The following C12orf57 variants were observed in gnomAD, a reference collection of about 807,000 sequenced individuals.
C12orf57 encodes the protein chromosome 12 open reading frame 57.
Under a neutral mutation model 11.3 loss-of-function variants are expected in C12orf57, and 14 were observed. The ratio of observed to expected loss-of-function variants is 1.24; its 90% CI spans 0.82 to 1.94. The LOEUF is 1.94. Among genes scored for constraint, C12orf57 ranks in the 30% most tolerant of loss-of-function variants. The pLI, the probability that C12orf57 is intolerant of heterozygous loss-of-function variation, is 0.00. For synonymous variants in C12orf57, 100 were observed against 74.6 expected (o/e 1.34, Z -1.76); for missense variants, 229 against 172.4 (o/e 1.33, Z -1.84).
chr12:6,943,953 C>A (rs371672962), upstream of C12orf57: 17 of 1,484,792 alleles, frequency 1.1e-5, no homozygotes, highest in East Asian at 2.3e-5. Context: ...GGTCTTGATG[C>A]AGTTGTAAGC....
chr12:6,944,530 T>A lies in C12orf57; in HGVS notation c.107T>A (p.Met36Lys). ...AFSAPENAVR[M>K]DEARDNACND... is the part of the protein sequence containing the mutation. ...TCCGCCCCGGAGAATGCAGTGCGCA[T>A]GGACGAGGCTCGGGATAACGCCTGC... Residue 36 changes from methionine to lysine, a missense_variant, in exon 2 of 3, where the codon ATG (methionine) becomes AAG (lysine). Transcript: ENST00000229281. 6.2e-7 allele frequency: 1 copy of A among 1,613,994 alleles called. No individual in the cohort carries two copies. Among genetic ancestry groups the A allele is most frequent in the Non-Finnish European group, 8.5e-7 (1 of 1,180,034 alleles).
chr12:6,945,547 C>T (rs753766482), intron 2 of C12orf57, among the ~76,000 whole-genome samples: 1 of 152,180 alleles, frequency 6.6e-6, no homozygotes, highest in African/African-American at 2.4e-5. Context: ...AAGAAGCACA[C>T]TGCCTTGGGA....
chr12:6,944,196 C>T (rs1238370416), intron 1 of C12orf57, 23 bp downstream of exon 1: 3 of 1,565,840 alleles, frequency 1.9e-6, no homozygotes, highest in East Asian at 2.3e-5. Flanking sequence ...CTAGTCAAGG[C>T]ATAGGCTGCT....
chr12:6,944,188 A>G lies in C12orf57; in HGVS notation c.52+15A>G. On this transcript the variant is annotated intron_variant, in intron 1 of 2. Transcript: ENST00000229281. ...GCAAGCAAAGGGTGAGAATCGTCCT[A>G]GTCAAGGCATAGGCTGCTGGCCTGG... is the stretch of plus-strand genomic sequence containing the variant. The G allele has an allele frequency of 6.4e-7, 1 of 1,565,968 alleles. No homozygotes were observed. Among genetic ancestry groups the G allele is most frequent in the South Asian group, 1.1e-5 (1 of 88,282 alleles).
At position 6,944,556 on chromosome 12, in the gene C12orf57, A is replaced by C. The variant is rs1945745169; in HGVS notation, c.133A>C (p.Asn45His). 1 of 1,614,018 alleles carries C rather than the reference A, an allele frequency of 6.2e-7. No individual in the cohort carries two copies. Among genetic ancestry groups the C allele is most frequent in the African/African-American group, 1.3e-5 (1 of 74,928 alleles). Residue 45 changes from asparagine (N) to histidine (H), a missense_variant, in exon 2 of 3, where the codon AAC (asparagine) becomes CAC (histidine). By Grantham distance (68) the Asn-to-His change is moderately conservative. Coordinates refer to ENST00000229281, the MANE Select transcript of C12orf57 (RefSeq NM_138425.4). ...RMDEARDNAC[N>H]DMGKMLQFVL... ...GGACGAGGCTCGGGATAACGCCTGCAACGACATGGGTAAGATGCTGCAATT... is the reference window on the plus strand; with the variant it reads ...GGACGAGGCTCGGGATAACGCCTGCCACGACATGGGTAAGATGCTGCAATT...
In C12orf57 at chr12:6,945,885, A is replaced by C. The variant is rs782437137; in HGVS notation, c.344A>C (p.His115Pro). 3 of 1,613,314 alleles carry C rather than the reference A, an allele frequency of 1.9e-6. No individual in the cohort carries two copies. In the East Asian group the frequency reaches 6.7e-5, roughly 36 times the overall value. ...LFLPPMTLPP[H>P]GPAAGGSVAA... ...CTGCCGCCCATGACCCTGCCACCCC[A>C]TGGGCCTGCTGCTGGTGGCAGCGTG... Residue 115 changes from histidine (H) to proline (P), a missense_variant, in exon 3 of 3, where the codon CAT becomes CCT. Transcript: ENST00000229281.
At position 6,944,067 on chromosome 12, in the gene C12orf57, C is replaced by T. The variant is rs782499336; in HGVS notation, c.-55C>T. The T allele has an allele frequency of 1.4e-5, 22 of 1,613,454 alleles. No individual in the cohort carries two copies. The highest frequency in any genetic ancestry group is 6.7e-5 in the Admixed American group (4 of 60,026). The stretch of plus-strand genomic sequence containing the variant: ...TTGGGAACGGTTGTAGGACGTGGCT[C>T]TTTATTCGTGAGTTTTCCATTTACC... On this transcript the variant is annotated 5_prime_UTR_variant, in exon 1 of 3. Transcript: ENST00000229281.
upstream of C12orf57, chr12:6,943,890 TG>T: frequency 9.4e-7 from 1 of 1,060,012 alleles, no homozygotes; most frequent in Non-Finnish European, 1.3e-6. Context: ...TTATGATGTT[TG>T]TTGCCAATGA....
upstream of C12orf57, chr12:6,944,010 C>CGGATGCT: frequency 6.2e-7 from 1 of 1,601,838 alleles, no homozygotes; most frequent in Non-Finnish European, 8.5e-7. Context: ...CCGGCTGCGC[C>CGGATGCT]GGATGCTGTT....
rs1945714566 is a variant in C12orf57 at position 6,944,040 on chromosome 12, CGT to C, written c.-81_-80del. The C allele has an allele frequency of 6.2e-7, 1 of 1,610,756 alleles. No individual in the cohort carries two copies. The highest frequency in any genetic ancestry group is 8.5e-7 in the Non-Finnish European group (1 of 1,179,614). ...GCTGTTTCCTTTCCGCTCCCAGGGGCGTTGGGAACGGTTGTAGGACGTGGCTC... is the reference window on the plus strand; with the variant it reads ...GCTGTTTCCTTTCCGCTCCCAGGGGCTGGGAACGGTTGTAGGACGTGGCTC... On this transcript the variant is annotated 5_prime_UTR_variant, in exon 1 of 3. Transcript: ENST00000229281.
At chr12:6,943,715 T>C, upstream of C12orf57, 2 of 1,276,048 alleles carry the variant, frequency 1.6e-6, no homozygotes, top group Non-Finnish European at 2.0e-6. Context: ...CATGCGTCGT[T>C]GTTTATACAG....
chr12:6,943,520 G>A (rs1945680928), upstream of C12orf57: 6 of 1,284,650 alleles, frequency 4.7e-6, no homozygotes, highest in Non-Finnish European at 6.1e-6. Context: ...CTTTTGCTCT[G>A]GGCCTTTACT....
upstream of C12orf57, chr12:6,943,807 C>G (rs782612327): frequency 5.7e-6 from 5 of 879,550 alleles, no homozygotes; most frequent in Middle Eastern, 3.8e-4. Context: ...TCTCCAAACA[C>G]ATACGCAGCA....
Position 6,944,060 on chromosome 12 carries a change from C to CG in C12orf57, c.-61dup. 1.2e-6 allele frequency: 2 copies of CG among 1,613,126 alleles called. No homozygotes were observed. Among genetic ancestry groups the CG allele is most frequent in the Non-Finnish European group, 1.7e-6 (2 of 1,179,856 alleles). ...AGGGGCGTTGGGAACGGTTGTAGGA[C>CG]GTGGCTCTTTATTCGTGAGTTTTCC... is the stretch of plus-strand genomic sequence containing the variant. On this transcript the variant is annotated 5_prime_UTR_variant, in exon 1 of 3. Coordinates refer to ENST00000229281, the MANE Select transcript of C12orf57 (RefSeq NM_138425.4).
Position 6,944,167 on chromosome 12 carries a change from G to C in C12orf57, c.46G>C (p.Ala16Pro). ...TQPAALSAEQ[A>P]KVVLAEVIQA... ...ACCGGCGGCCTTGAGCGCTGAGCAA[G>C]CAAAGGGTGAGAATCGTCCTAGTCA... Residue 16 changes from alanine to proline, a missense_variant, in exon 1 of 3, where the codon GCA (alanine) becomes CCA (proline). Transcript: ENST00000229281. The C allele has an allele frequency of 6.2e-7, 1 of 1,614,202 alleles. No homozygotes were observed.
At chr12:6,944,294 GA>G in intron 1 of C12orf57, 121 bp downstream of exon 1, 1 of 1,596,016 alleles carries the variant, frequency 6.3e-7, no homozygotes, top group Non-Finnish European at 8.5e-7. Context: ...CGTCCGCCGG[GA>G]AAATGGGGTA....
rs587776955 is a variant in C12orf57, at chr12:6,944,575, T to A, written c.152T>A (p.Leu51Gln). The change falls in exon 2 of 3, where the codon CTG becomes CAG. Residue 51 changes from leucine to glutamine, a missense_variant. By Grantham distance (113) the Leu-to-Gln change is moderately radical. Coordinates refer to ENST00000229281, the MANE Select transcript of C12orf57 (RefSeq NM_138425.4). ...GCCTGCAACGACATGGGTAAGATGC[T>A]GCAATTCGTGCTGCCCGTGGCCACG... ...DNACNDMGKM[L>Q]QFVLPVATQI... 6.2e-7 allele frequency: 1 copy of A among 1,614,166 alleles called. No individual in the cohort carries two copies. Among genetic ancestry groups the A allele is most frequent in the Middle Eastern group, 1.7e-4 (1 of 6,054 alleles).
chr12:6,945,005 C>T (rs1287986677), intron 2 of C12orf57: 1 of 558,434 alleles, frequency 1.8e-6, no homozygotes, highest in East Asian at 3.2e-5. Flanking sequence ...ACCTTATGCA[C>T]ATAGCCTGAG....
Position 6,944,185 on chromosome 12 carries a change from C to G in C12orf57, c.52+12C>G, listed in dbSNP as rs782070416. 6.2e-7 allele frequency: 1 copy of G among 1,614,142 alleles called. No homozygotes were observed. ...TGAGCAAGCAAAGGGTGAGAATCGTCCTAGTCAAGGCATAGGCTGCTGGCC... is the reference window on the plus strand; with the variant it reads ...TGAGCAAGCAAAGGGTGAGAATCGTGCTAGTCAAGGCATAGGCTGCTGGCC... On this transcript the variant is annotated intron_variant, in intron 1 of 2. Coordinates refer to ENST00000229281, the MANE Select transcript of C12orf57 (RefSeq NM_138425.4).
Sources: gnomAD v4.1 joint callset for allele counts (sites outside exome capture counted in the v4.1 genomes callset) on GRCh38, gnomAD v4.1.1 for gene constraint, MANE v1.5 for transcripts, NCBI Gene and HGNC (gene_info 2026-07-23, HGNC 2026-07-21) for gene names.